Variants in CNTN4 observed in about 807,000 individuals in gnomAD.
CNTN4 encodes the protein contactin-4.
Under a neutral mutation model 122.5 loss-of-function variants are expected in CNTN4, and 77 were observed. The ratio of observed to expected loss-of-function variants is 0.63; its 90% CI spans 0.52 to 0.76. The LOEUF is 0.76. Among genes scored for constraint, CNTN4 ranks in the 30% least tolerant of loss-of-function variants. The pLI, the probability that CNTN4 is intolerant of heterozygous loss-of-function variation, is 0.00. For missense variants in CNTN4, 1,256 were observed against 1,259.1 expected, an observed-to-expected ratio of 1.00 and a Z score of 0.04; for synonymous variants, 512 against 447.0, an observed-to-expected ratio of 1.15 and a Z score of -1.83.
At chr3:2,192,454 A>G (rs2149345016) in intron 2 of CNTN4, among the ~76,000 whole-genome samples, 1 of 152,336 alleles carries the variant, frequency 6.6e-6, no homozygotes, top group Admixed American at 6.5e-5. Flanking sequence ...ATTAAACTAA[A>G]GAGCTTCTGC....
intron 4 of CNTN4, among the ~76,000 whole-genome samples, chr3:2,705,325 G>A (rs1365157626): frequency 5.1e-5 from 7 of 138,306 alleles, no homozygotes; most frequent in African/African-American, 1.9e-4. Context: ...CCGAGATTGT[G>A]CCACTGCACT....
At chr3:2,602,921 G>C (rs2081108116) in intron 4 of CNTN4, among the ~76,000 whole-genome samples, 1 of 152,152 alleles carries the variant, frequency 6.6e-6, no homozygotes, top group Non-Finnish European at 1.5e-5. Context: ...GCAGACATTA[G>C]AGTATTTCCT....
chr3:2,521,750 C>T (rs2077226161), intron 3 of CNTN4, among the ~76,000 whole-genome samples: 2 of 152,052 alleles, frequency 1.3e-5, no homozygotes, highest in South Asian at 4.1e-4. Context: ...CTTCGGACTT[C>T]CCTTTGGTAA....
chr3:2,554,108 T>C (rs1365296550), intron 3 of CNTN4, among the ~76,000 whole-genome samples: 2 of 152,196 alleles, frequency 1.3e-5, no homozygotes, highest in African/African-American at 4.8e-5. Context: ...AATTAATCTT[T>C]ATAATGAAGT....
At chr3:2,705,651 A>T (rs1397333900) in intron 4 of CNTN4, among the ~76,000 whole-genome samples, 9 of 88,546 alleles carry the variant, frequency 1.0e-4, no homozygotes, top group African/African-American at 4.2e-4. Flanking sequence ...ATATATAAAA[A>T]GTATATTATA....
chr3:3,053,983 T>C lies in CNTN4; in HGVS notation c.2980+8T>C. Reference sequence around the variant, plus strand: ...GAATTCCAAAGATATCAAGTGAGAATGCCTTTTTTTCTCCCTTTTCTCCTG... The same window carrying C: ...GAATTCCAAAGATATCAAGTGAGAACGCCTTTTTTTCTCCCTTTTCTCCTG... On this transcript the variant is annotated splice_region_variant and intron_variant, in intron 24 of 24. Transcript: ENST00000418658. 6.2e-7 allele frequency: 1 copy of C among 1,614,010 alleles called. No individual in the cohort carries two copies. The highest frequency in any genetic ancestry group is 1.1e-5 in the South Asian group (1 of 91,072).
chr3:2,519,994 G>A (rs918549386), intron 3 of CNTN4, among the ~76,000 whole-genome samples: 6 of 151,956 alleles, frequency 3.9e-5, no homozygotes, highest in African/African-American at 1.5e-4. Flanking sequence ...ATTCCTACAA[G>A]GCTTTTTTTA....
chr3:2,685,686 G>T (rs1010044891), intron 4 of CNTN4, among the ~76,000 whole-genome samples: 1 of 151,816 alleles, frequency 6.6e-6, no homozygotes, highest in East Asian at 1.9e-4. Context: ...TTCTTAGTGT[G>T]TTTTTTTTGT....
rs1014628733 is a variant in CNTN4, at chr3:2,297,657, G to A, written c.-144-41521G>A. On this transcript the variant is annotated intron_variant, in intron 2 of 24. Transcript: ENST00000418658. ...CTACAAATAAATTTGAGCTTCATGC[G>A]ACCAGAGGTTTTTGATTGTTATGTG... Among the ~76,000 whole-genome samples the A allele has an allele frequency of 2.0e-5, 3 of 152,034 alleles. No individual in the cohort carries two copies. In the South Asian group the frequency reaches 6.2e-4, roughly 32 times the overall value.
intron 3 of CNTN4, among the ~76,000 whole-genome samples, chr3:2,570,923 A>T (rs1466772670): frequency 2.0e-5 from 3 of 152,202 alleles, no homozygotes; most frequent in Non-Finnish European, 4.4e-5. Context: ...CACGGGGCAG[A>T]GGGGAAAAAT....
intron 13 of CNTN4, among the ~76,000 whole-genome samples, chr3:2,961,183 T>A (rs2094853395): frequency 7.5e-6 from 1 of 132,568 alleles, no homozygotes; most frequent in African/African-American, 2.8e-5. Flanking sequence ...TGAGCCGAGA[T>A]TGGACCACTG....
At chr3:2,743,058 A>G (rs1390674749) in intron 5 of CNTN4, among the ~76,000 whole-genome samples, 1 of 152,226 alleles carries the variant, frequency 6.6e-6, no homozygotes, top group Non-Finnish European at 1.5e-5. Context: ...AGTTGAGATG[A>G]CTAGTGTAGG....
intron 12 of CNTN4, among the ~76,000 whole-genome samples, chr3:2,921,027 C>G (rs1341828572): frequency 6.6e-6 from 1 of 152,160 alleles, no homozygotes; most frequent in African/African-American, 2.4e-5. Context: ...GAATATCATT[C>G]ATAATAAGAG....
chr3:2,540,338 C>T (rs1273369761), intron 3 of CNTN4, among the ~76,000 whole-genome samples: 1 of 151,932 alleles, frequency 6.6e-6, no homozygotes, highest in Admixed American at 6.6e-5. Context: ...CCAGCTGAGT[C>T]TCCAAACAGC....
chr3:2,602,155 T>C (rs984683765), intron 4 of CNTN4, among the ~76,000 whole-genome samples: 1 of 152,152 alleles, frequency 6.6e-6, no homozygotes, highest in Non-Finnish European at 1.5e-5. Flanking sequence ...GGGCAAAAAC[T>C]GGAAGCATTC....
At chr3:2,663,633 C>T (rs2084011180) in intron 4 of CNTN4, among the ~76,000 whole-genome samples, 1 of 152,032 alleles carries the variant, frequency 6.6e-6, no homozygotes, top group Non-Finnish European at 1.5e-5. Context: ...TAGAACAAAA[C>T]CACACACCAG....
At chr3:2,383,598 C>T (rs1272427505) in intron 3 of CNTN4, among the ~76,000 whole-genome samples, 2 of 151,938 alleles carry the variant, frequency 1.3e-5, no homozygotes, top group Non-Finnish European at 2.9e-5. Context: ...TATTTTCTCT[C>T]TCTCTCCTTC....
chr3:2,792,798 G>A (rs79984373), intron 6 of CNTN4, among the ~76,000 whole-genome samples: 17 of 152,302 alleles, frequency 1.1e-4, no homozygotes, highest in African/African-American at 3.4e-4. Context: ...AGGCTGTTTT[G>A]AAATGGGTAT....
chr3:2,534,831 CTGCTGT>C (rs1475314033), intron 3 of CNTN4, among the ~76,000 whole-genome samples: 1 of 123,280 alleles, frequency 8.1e-6, no homozygotes, highest in African/African-American at 2.9e-5. Flanking sequence ...GCTGCTGCTG[CTGCTGT>C]TGCTGTTATT....
Sources: allele counts gnomAD v4.1 joint callset (sites outside exome capture counted in the v4.1 genomes callset), GRCh38; gene constraint gnomAD v4.1.1; transcripts MANE v1.5; gene names NCBI Gene and HGNC (gene_info 2026-07-23, HGNC 2026-07-21).